NPAS3: variants seen among roughly 807,000 people sequenced by gnomAD.
The protein encoded by NPAS3 is neuronal PAS domain protein 3.
NPAS3 carries 14 observed loss-of-function variants against 73.1 expected under a neutral mutation model. The ratio of observed to expected loss-of-function variants is 0.19; its 90% CI spans 0.13 to 0.30. The LOEUF (loss-of-function observed/expected upper bound fraction) is 0.30. NPAS3 is among the 10% of genes least tolerant of loss of function. The pLI is 1.00. For missense variants in NPAS3, 1,096 were observed against 1,250.0 expected (o/e 0.88, Z 1.86); for synonymous variants, 620 against 541.5 (o/e 1.14, Z -2.01).
chr14:32,969,980 A>C (rs1595118271), intron 1 of NPAS3, among the ~76,000 whole-genome samples: 1 of 152,340 alleles, frequency 6.6e-6, no homozygotes, highest in East Asian at 1.9e-4. Context: ...TGAGAAGAGC[A>C]AAGACTCGCT....
intron 4 of NPAS3, among the ~76,000 whole-genome samples, chr14:33,496,379 G>A (rs1172967339): frequency 6.6e-6 from 1 of 151,976 alleles, no homozygotes. Context: ...ACCAAAGCCT[G>A]GCAGAGACAC....
intron 1 of NPAS3, among the ~76,000 whole-genome samples, chr14:33,022,570 CAGG>C (rs2039641201): frequency 6.8e-6 from 1 of 148,006 alleles, no homozygotes; most frequent in Non-Finnish European, 1.5e-5. Flanking sequence ...GAGGCTGAGG[CAGG>C]AGAATGGCGT....
chr14:33,037,576 A>G (rs149277518), intron 1 of NPAS3, among the ~76,000 whole-genome samples: 2,051 of 151,990 alleles, frequency 0.013, 41 homozygotes, highest in African/African-American at 0.046. Context: ...TGAGGTAGGA[A>G]GATTGCTTGA....
intron 4 of NPAS3, among the ~76,000 whole-genome samples, chr14:33,489,510 A>G (rs1394830200): frequency 6.6e-6 from 1 of 152,214 alleles, no homozygotes; most frequent in Non-Finnish European, 1.5e-5. Flanking sequence ...GAAAGGAAAT[A>G]CATCAGCAAA....
At chr14:33,375,750 C>T (rs1260595053) in intron 4 of NPAS3, among the ~76,000 whole-genome samples, 1 of 152,132 alleles carries the variant, frequency 6.6e-6, no homozygotes, top group Non-Finnish European at 1.5e-5. Context: ...TGAACATTAA[C>T]TCACAATTTC....
At chr14:33,628,051 T>G (rs904157618) in intron 5 of NPAS3, among the ~76,000 whole-genome samples, 1 of 152,254 alleles carries the variant, frequency 6.6e-6, no homozygotes, top group African/African-American at 2.4e-5. Flanking sequence ...ATATGCCTCT[T>G]TGCCATAAAG....
In NPAS3 at chr14:33,261,206, G is replaced by T. The variant is rs73254957; in HGVS notation, c.385+45780G>T. Among the ~76,000 whole-genome samples the T allele has an allele frequency of 9.9e-3, 1,509 of 151,882 alleles. 28 individuals carry two copies. The highest frequency in any genetic ancestry group is 0.034 in the African/African-American group (1,405 of 41,430). ...GACAGCATTCTTTATCCTTGTTCCT[G>T]AGTTGGTCATATTTTCTCAGTAAAA... On this transcript the variant is annotated intron_variant, in intron 3 of 11. Coordinates refer to ENST00000356141, the Ensembl canonical transcript of NPAS3.
intron 2 of NPAS3, among the ~76,000 whole-genome samples, chr14:33,066,473 T>C (rs1376773968): frequency 6.6e-6 from 1 of 152,196 alleles, no homozygotes; most frequent in Non-Finnish European, 1.5e-5. Flanking sequence ...ATCATGGTAC[T>C]TGGGAAATGC....
intron 7 of NPAS3, among the ~76,000 whole-genome samples, chr14:33,766,687 T>C (rs956403944): frequency 6.6e-6 from 1 of 152,186 alleles, no homozygotes; most frequent in Non-Finnish European, 1.5e-5. Context: ...TACAAGAATT[T>C]GGTTGGACGA....
intron 2 of NPAS3, among the ~76,000 whole-genome samples, chr14:33,202,451 A>T (rs981610766): frequency 3.9e-5 from 6 of 152,128 alleles, no homozygotes; most frequent in African/African-American, 1.4e-4. Flanking sequence ...CCTGTTACAT[A>T]AGTAGACTTG....
At chr14:33,544,796 A>ATATAT (rs1453882966) in intron 4 of NPAS3, among the ~76,000 whole-genome samples, 33 of 72,268 alleles carry the variant, frequency 4.6e-4, no homozygotes, top group African/African-American at 3.0e-3. Context: ...TATTATATAT[A>ATATAT]TATATATATA....
At chr14:33,632,834 C>A (rs975493811) in intron 5 of NPAS3, among the ~76,000 whole-genome samples, 2 of 152,136 alleles carry the variant, frequency 1.3e-5, no homozygotes, top group Non-Finnish European at 2.9e-5. Context: ...AAGCCAAATA[C>A]CTTCTTTTAT....
At chr14:32,988,460 TA>T (rs1160573678) in intron 1 of NPAS3, among the ~76,000 whole-genome samples, 1 of 152,168 alleles carries the variant, frequency 6.6e-6, no homozygotes, top group Non-Finnish European at 1.5e-5. Flanking sequence ...AATGAAAATT[TA>T]AAAAAAGATT....
At chr14:33,148,583 G>A (rs1006124210) in intron 2 of NPAS3, among the ~76,000 whole-genome samples, 19 of 152,164 alleles carry the variant, frequency 1.2e-4, no homozygotes, top group African/African-American at 4.3e-4. Context: ...ATTGTGCTAA[G>A]TAAAATATGT....
intron 3 of NPAS3, among the ~76,000 whole-genome samples, chr14:33,324,654 T>G (rs1378465142): frequency 6.6e-6 from 1 of 152,200 alleles, no homozygotes; most frequent in African/African-American, 2.4e-5. Context: ...GATTTCTGTT[T>G]CTTTACTTTT....
chr14:33,758,680 T>A (rs1388490190), intron 7 of NPAS3, among the ~76,000 whole-genome samples: 1 of 152,222 alleles, frequency 6.6e-6, no homozygotes, highest in Non-Finnish European at 1.5e-5. Context: ...ACTGCTTTTT[T>A]TTCTCTGCCT....
At chr14:33,457,342 T>G (rs2050068945) in intron 4 of NPAS3, among the ~76,000 whole-genome samples, 1 of 152,222 alleles carries the variant, frequency 6.6e-6, no homozygotes, top group Non-Finnish European at 1.5e-5. Context: ...GAGAGTGAAA[T>G]AGTACTAACC....
At chr14:33,639,625 T>A (rs567630265) in intron 5 of NPAS3, among the ~76,000 whole-genome samples, 2 of 152,310 alleles carry the variant, frequency 1.3e-5, no homozygotes, top group African/African-American at 2.4e-5. Context: ...AATGTTCAGC[T>A]GTTCCCAAAC....
At chr14:33,508,271 A>G (rs1425400178) in intron 4 of NPAS3, among the ~76,000 whole-genome samples, 1 of 152,080 alleles carries the variant, frequency 6.6e-6, no homozygotes. Context: ...TCAGAACAAA[A>G]TCATATCTGT....
Sources: allele counts gnomAD v4.1 joint callset (sites outside exome capture counted in the v4.1 genomes callset), GRCh38; gene constraint gnomAD v4.1.1; transcripts MANE v1.5; gene names NCBI Gene and HGNC (gene_info 2026-07-23, HGNC 2026-07-21).